PRTG: variants seen among roughly 807,000 people sequenced by gnomAD.
PRTG encodes immunoglobulin superfamily, DCC subclass, member 5.
In PRTG, 67 loss-of-function variants were observed where a neutral mutation model predicts 122.5. The ratio of observed to expected loss-of-function variants is 0.55; its 90% CI spans 0.45 to 0.67. PRTG has a LOEUF of 0.67. Ranked by LOEUF, PRTG falls within the 30% of genes least tolerant of loss-of-function variation. PRTG has a pLI of 0.00. For missense variants in PRTG, 1,435 were observed against 1,415.4 expected, an observed-to-expected ratio of 1.01 and a Z score of -0.22; for synonymous variants, 554 against 501.1, an observed-to-expected ratio of 1.11 and a Z score of -1.41.
At chr15:55,698,276 GTT>G (rs1424880401) in intron 2 of PRTG, among the ~76,000 whole-genome samples, 1 of 152,082 alleles carries the variant, frequency 6.6e-6, no homozygotes, top group Non-Finnish European at 1.5e-5. Flanking sequence ...TGTCACTTTA[GTT>G]TTCCTTGAAT....
intron 11 of PRTG, among the ~76,000 whole-genome samples, chr15:55,662,766 C>T (rs909071391): frequency 2.0e-5 from 3 of 152,112 alleles, no homozygotes; most frequent in African/African-American, 7.2e-5. Flanking sequence ...GCCTCTCTTT[C>T]CTAAAAGTGA....
chr15:55,693,042 G>T (rs766800252), intron 2 of PRTG, among the ~76,000 whole-genome samples: 3 of 151,662 alleles, frequency 2.0e-5, no homozygotes, highest in South Asian at 2.1e-4. Context: ...TAGAGACGGG[G>T]TTTCACCATG....
rs1482395843 is a variant in PRTG, at chr15:55,680,704, T to C, written c.677-76A>G. 3.1e-6 allele frequency: 3 copies of C among 961,284 alleles called. No homozygotes were observed. The East Asian group carries it at 9.2e-5, about 29-fold the overall frequency. 59.5% of individuals were successfully genotyped at this position (961,284 alleles called of 1,614,324 possible). ...ATAAGTGAAATTAGTGAGACATTTA[T>C]TCTTATCACTCACTTTTCTTTTTTT... is the stretch of plus-strand genomic sequence containing the variant. On this transcript the variant is annotated intron_variant, in intron 4 of 19. Transcript: ENST00000389286.
At position 55,613,195 on chromosome 15, in the gene PRTG, A is replaced by G. The variant is rs1281201834; in HGVS notation, c.*6817T>C. The G allele has an allele frequency of 6.6e-6, 1 of 152,086 alleles. No homozygotes were observed. The highest frequency in any genetic ancestry group is 1.5e-5 in the Non-Finnish European group (1 of 67,964). 9.4% of individuals were successfully genotyped at this position (152,086 alleles called of 1,614,324 possible). A position where few individuals can be genotyped will look rare whatever the true frequency, so the allele number is the denominator to read the frequency against. On this transcript the variant is annotated 3_prime_UTR_variant, in exon 20 of 20. Coordinates refer to ENST00000389286, the MANE Select transcript of PRTG (RefSeq NM_173814.6). ...TTAGAACTTAGGTGCTCCAAAGCCT[A>G]ACTTATACTTGTTCTGTTTTATGAC... is the stretch of plus-strand genomic sequence containing the variant.
At chr15:55,668,273 T>C (rs981323944) in intron 11 of PRTG, among the ~76,000 whole-genome samples, 1 of 152,204 alleles carries the variant, frequency 6.6e-6, no homozygotes. Context: ...TAAACAACAG[T>C]ATTACATAAA....
At chr15:55,629,421 GTGTGTGTGTGTGTGTAA>G (rs1567074824) in intron 15 of PRTG, among the ~76,000 whole-genome samples, 17 of 137,050 alleles carry the variant, frequency 1.2e-4, no homozygotes, top group African/African-American at 5.1e-4. Flanking sequence ...GTGTGTGTGT[GTGTGTGTGTGTGTGTAA>G]TGTTTTACTC....
chr15:55,649,429 A>C (rs2059341668), intron 11 of PRTG, among the ~76,000 whole-genome samples: 1 of 148,300 alleles, frequency 6.7e-6, no homozygotes, highest in Non-Finnish European at 1.5e-5. Context: ...ATTTAATTCC[A>C]TGAAGTGCTT....
At chr15:55,707,877 C>G (rs775863399) in intron 2 of PRTG, among the ~76,000 whole-genome samples, 2 of 152,118 alleles carry the variant, frequency 1.3e-5, no homozygotes, top group Non-Finnish European at 2.9e-5. Context: ...CAACTTTGTG[C>G]AGAGTTCTAT....
intron 2 of PRTG, among the ~76,000 whole-genome samples, chr15:55,699,658 C>A (rs2059651264): frequency 1.3e-5 from 2 of 152,086 alleles, no homozygotes; most frequent in African/African-American, 4.8e-5. Flanking sequence ...ATATATGTAT[C>A]ATAAAGCACA....
intron 2 of PRTG, among the ~76,000 whole-genome samples, chr15:55,688,177 C>T (rs1464306431): frequency 6.6e-6 from 1 of 152,238 alleles, no homozygotes; most frequent in African/African-American, 2.4e-5. Context: ...TACTGGCTGT[C>T]TCCCCTTCTT....
chr15:55,718,545 T>C (rs1278545224), intron 2 of PRTG, among the ~76,000 whole-genome samples: 2 of 151,216 alleles, frequency 1.3e-5, no homozygotes, highest in African/African-American at 4.9e-5. Context: ...GCCCCACCCC[T>C]ATCTCCCTTC....
At chr15:55,682,904 C>T (rs1159976614) in intron 3 of PRTG, among the ~76,000 whole-genome samples, 3 of 152,136 alleles carry the variant, frequency 2.0e-5, no homozygotes, top group Non-Finnish European at 2.9e-5. Context: ...GATAGGAATA[C>T]ACTCAACCTT....
At chr15:55,662,553 A>G (rs1005731778) in intron 11 of PRTG, among the ~76,000 whole-genome samples, 3 of 152,186 alleles carry the variant, frequency 2.0e-5, no homozygotes, top group Non-Finnish European at 4.4e-5. Flanking sequence ...TGTGGCAAGT[A>G]AGAGAGACTG....
At chr15:55,629,433 G>A (rs2059215236) in intron 15 of PRTG, among the ~76,000 whole-genome samples, 1 of 135,162 alleles carries the variant, frequency 7.4e-6, no homozygotes. Flanking sequence ...GTGTGTGTGT[G>A]TGTAATGTTT....
chr15:55,671,993 A>G (rs2059474571), intron 11 of PRTG, among the ~76,000 whole-genome samples: 1 of 152,200 alleles, frequency 6.6e-6, no homozygotes, highest in Non-Finnish European at 1.5e-5. Context: ...TCACAGTTAC[A>G]TGGGTCATAT....
intron 2 of PRTG, among the ~76,000 whole-genome samples, chr15:55,728,117 C>T (rs12915423): frequency 0.37 from 55,970 of 151,952 alleles, 12,756 homozygotes; most frequent in Non-Finnish European, 0.52. Flanking sequence ...CCGCCCACCT[C>T]GGCCTCCCAA....
intron 2 of PRTG, among the ~76,000 whole-genome samples, chr15:55,711,747 C>T (rs968104175): frequency 8.5e-5 from 13 of 152,130 alleles, no homozygotes; most frequent in African/African-American, 3.1e-4. Context: ...CCAATCCTGG[C>T]CCTTATGAGC....
At chr15:55,666,947 C>T (rs2059442416) in intron 11 of PRTG, among the ~76,000 whole-genome samples, 1 of 152,102 alleles carries the variant, frequency 6.6e-6, no homozygotes, top group Non-Finnish European at 1.5e-5. Context: ...ATCCAGGCAA[C>T]AGACAAGAAA....
chr15:55,692,120 A>T (rs1336918092), intron 2 of PRTG, among the ~76,000 whole-genome samples: 1 of 152,216 alleles, frequency 6.6e-6, no homozygotes, highest in African/African-American at 2.4e-5. Flanking sequence ...TTAGTAGTCA[A>T]ATATTTTTTA....
Sources: gnomAD v4.1 joint callset for allele counts (sites outside exome capture counted in the v4.1 genomes callset) on GRCh38, gnomAD v4.1.1 for gene constraint, MANE v1.5 for transcripts, NCBI Gene and HGNC (gene_info 2026-07-23, HGNC 2026-07-21) for gene names.